The following ALMS1 variants were observed in gnomAD, a reference collection of about 807,000 sequenced individuals.
ALMS1 encodes the protein centrosome-associated protein ALMS1.
In ALMS1, 271 loss-of-function variants were observed where a neutral mutation model predicts 352.2. The ratio of observed to expected loss-of-function variants is 0.77; its 90% CI spans 0.70 to 0.85. ALMS1 has a LOEUF of 0.85. Among genes scored for constraint, ALMS1 ranks in the 40% least tolerant of loss-of-function variants. The probability of loss-of-function intolerance (pLI) is 0.00; values close to 1 mark genes in which losing one functional copy is unlikely to be tolerated. For missense variants in ALMS1, 5,445 were observed against 4,870.7 expected (o/e 1.12, Z -3.51); for synonymous variants, 1,865 against 1,761.2 (o/e 1.06, Z -1.48).
intron 16 of ALMS1, among the ~76,000 whole-genome samples, chr2:73,583,552 T>C (rs1222495349): frequency 6.6e-6 from 1 of 152,224 alleles, no homozygotes; most frequent in East Asian, 1.9e-4. Flanking sequence ...TTTGGTGTAA[T>C]ATTCAAAAAA....
chr2:73,607,119 G>A (rs1370740430), intron 21 of ALMS1, among the ~76,000 whole-genome samples: 3 of 152,164 alleles, frequency 2.0e-5, no homozygotes, highest in Non-Finnish European at 4.4e-5. Context: ...TTTTTGGTGG[G>A]AGGCGTGGGA....
In ALMS1 at chr2:73,490,338, G is replaced by A. The variant is rs559811855; in HGVS notation, c.8379G>A (p.Arg2793=). The stretch of plus-strand genomic sequence containing the variant: ...TGACTATTTTAGCAGAAGGTAGAAG[G>A]CAAAGCCAAAAATTACCTGTTGATT... The part of the protein sequence containing the change: ...KEVTILAEGR[R]QSQKLPVDFE... Residue 2793 remains arginine, a synonymous_variant, in exon 10 of 23, where the codon AGG becomes AGA. Coordinates refer to ENST00000613296, the MANE Select transcript of ALMS1 (RefSeq NM_001378454.1). The A allele has an allele frequency of 3.7e-6, 6 of 1,612,304 alleles. No homozygotes were observed. The South Asian group carries it at 6.6e-5, about 18-fold the overall frequency.
chr2:73,450,449 G>A lies in ALMS1; in HGVS notation c.3922G>A (p.Glu1308Lys). 6.2e-7 allele frequency: 1 copy of A among 1,613,718 alleles called. No individual in the cohort carries two copies. Among genetic ancestry groups the A allele is most frequent in the Non-Finnish European group, 8.5e-7 (1 of 1,179,944 alleles). ...QQSLPSSHLT[E>K]EAKNVSAVPG... is the part of the protein sequence containing the mutation. ...GTCGTTGCCAAGTAGTCATCTAACT[G>A]AAGAGGCTAAGAATGTTTCAGCGGT... Residue 1308 changes from glutamate to lysine, a missense_variant, in exon 8 of 23, where the codon GAA becomes AAA. Glu to Lys is a moderately conservative substitution (Grantham distance 56, BLOSUM62 1). Transcript: ENST00000613296.
intron 12 of ALMS1, among the ~76,000 whole-genome samples, chr2:73,543,490 G>A (rs1363841638): frequency 2.0e-5 from 3 of 152,054 alleles, no homozygotes. Flanking sequence ...CAAAAGCAAT[G>A]GCAACAAAAG....
At chr2:73,408,573 T>C (rs771618236) in intron 1 of ALMS1, 49 bp from the exon 2 acceptor site, 1 of 1,589,242 alleles carries the variant, frequency 6.3e-7, no homozygotes, top group Admixed American at 1.7e-5. Flanking sequence ...TGTTGTATAA[T>C]CATAGTGATT....
chr2:73,407,820 A>G (rs1163743072), intron 1 of ALMS1, among the ~76,000 whole-genome samples: 1 of 152,146 alleles, frequency 6.6e-6, no homozygotes, highest in African/African-American at 2.4e-5. Context: ...GGCCTCCCAA[A>G]GTGCTGGGAT....
intron 9 of ALMS1, among the ~76,000 whole-genome samples, chr2:73,482,124 A>C (rs1672722109): frequency 6.6e-6 from 1 of 152,112 alleles, no homozygotes; most frequent in African/African-American, 2.4e-5. Flanking sequence ...GTTGAATAGG[A>C]GTGGTGAGAG....
At chr2:73,593,502 T>G (rs1168960887) in intron 16 of ALMS1, among the ~76,000 whole-genome samples, 1 of 152,202 alleles carries the variant, frequency 6.6e-6, no homozygotes, top group African/African-American at 2.4e-5. Context: ...GAGTATAACC[T>G]TTTTTCTCCA....
At chr2:73,506,429 T>A (rs907549259) in intron 10 of ALMS1, among the ~76,000 whole-genome samples, 1 of 152,190 alleles carries the variant, frequency 6.6e-6, no homozygotes, top group African/African-American at 2.4e-5. Flanking sequence ...GCATGGAATG[T>A]TTTTCCATTT....
intron 12 of ALMS1, among the ~76,000 whole-genome samples, chr2:73,536,480 G>A (rs181357168): frequency 6.6e-6 from 1 of 152,198 alleles, no homozygotes; most frequent in Admixed American, 6.5e-5. Context: ...ACACACTTGA[G>A]ATTGTTTTTT....
At chr2:73,457,022 C>G (rs1037836478) in intron 9 of ALMS1, 2 of 151,930 alleles carry the variant, frequency 1.3e-5, no homozygotes, top group African/African-American at 4.8e-5. Context: ...CTGATCTGAC[C>G]AGCATGAAGT....
At chr2:73,532,015 TCAGAAGTTTCTGATAAGATC>T (rs1358510599) in intron 11 of ALMS1, among the ~76,000 whole-genome samples, 1 of 152,246 alleles carries the variant, frequency 6.6e-6, no homozygotes, top group Non-Finnish European at 1.5e-5. Context: ...CCAAACCATA[TCAGAAGTTTCTGATAAGATC>T]CAGAAGAATT....
intron 16 of ALMS1, among the ~76,000 whole-genome samples, chr2:73,579,477 C>T (rs1675126426): frequency 6.6e-6 from 1 of 151,992 alleles, no homozygotes; most frequent in African/African-American, 2.4e-5. Flanking sequence ...TCTTCTGCCT[C>T]AGCCTCCTGA....
chr2:73,402,647 G>A (rs2103661056), intron 1 of ALMS1, among the ~76,000 whole-genome samples: 1 of 152,196 alleles, frequency 6.6e-6, no homozygotes, highest in South Asian at 2.1e-4. Context: ...CAGTGTACAA[G>A]GGTTCTCTTT....
chr2:73,414,974 C>G (rs1031870066), intron 2 of ALMS1, among the ~76,000 whole-genome samples: 4 of 152,146 alleles, frequency 2.6e-5, no homozygotes, highest in Admixed American at 1.3e-4. Flanking sequence ...TACCCCCATA[C>G]CCCTATACAC....
At chr2:73,491,726 CAA>C (rs1319878640) in intron 10 of ALMS1, among the ~76,000 whole-genome samples, 2 of 152,100 alleles carry the variant, frequency 1.3e-5, no homozygotes, top group Non-Finnish European at 2.9e-5. Flanking sequence ...GACTTGACAT[CAA>C]GTGTTTTTAA....
chr2:73,431,720 C>T lies in ALMS1; in HGVS notation c.1339-478C>T, dbSNP rs1042983204. 5.9e-5 allele frequency among the ~76,000 whole-genome samples: 9 copies of T among 152,118 alleles called. No homozygotes were observed. In the South Asian group the frequency reaches 8.3e-4, roughly 14 times the overall value. ...GTTCTTTGATACTCTCATTTTTCTT[C>T]TAAACATTTGTGAGTTTCTAGAAAA... On this transcript the variant is annotated intron_variant, in intron 6 of 22. Coordinates refer to ENST00000613296, the MANE Select transcript of ALMS1 (RefSeq NM_001378454.1).
At chr2:73,596,528 G>A (rs1274255435) in intron 16 of ALMS1, among the ~76,000 whole-genome samples, 1 of 150,146 alleles carries the variant, frequency 6.7e-6, no homozygotes, top group Admixed American at 6.7e-5. Context: ...CGGGAGTGCA[G>A]TGGCACAATC....
chr2:73,408,845 T>C, intron 2 of ALMS1, 98 bp downstream of exon 2: 1 of 923,188 alleles, frequency 1.1e-6, no homozygotes. Context: ...TAATATTCAT[T>C]AATATTATGT....
Sources: allele counts gnomAD v4.1 joint callset (sites outside exome capture counted in the v4.1 genomes callset), GRCh38; gene constraint gnomAD v4.1.1; transcripts MANE v1.5; gene names NCBI Gene and HGNC (gene_info 2026-07-23, HGNC 2026-07-21).